The following UGT2B4 variants were observed in gnomAD, a reference collection of about 807,000 sequenced individuals.
UGT2B4 encodes the protein UDP glucuronosyltransferase family 2 member B4.
UGT2B4 carries 49 observed loss-of-function variants against 49.8 expected under a neutral mutation model. That is an observed-to-expected ratio of 0.98 (90% confidence interval 0.78 to 1.25). UGT2B4 has a LOEUF of 1.25. Among genes scored for constraint, UGT2B4 ranks in the 50% most tolerant of loss-of-function variants. UGT2B4 has a pLI of 0.00. For missense variants in UGT2B4, 729 were observed against 627.7 expected, an observed-to-expected ratio of 1.16 and a Z score of -1.73; for synonymous variants, 246 against 217.7, an observed-to-expected ratio of 1.13 and a Z score of -1.14.
Position 69,480,779 on chromosome 4 carries a change from T to C in UGT2B4, c.1442A>G (p.His481Arg), listed in dbSNP as rs756596732. The C allele has an allele frequency of 8.1e-6, 13 of 1,613,902 alleles. No homozygotes were observed. The highest frequency in any genetic ancestry group is 2.2e-5 in the East Asian group (1 of 44,898). ...KGAKHLRVAA[H>R]DLTWFQYHSL... is the part of the protein sequence containing the mutation. ...GTGGTACTGGAACCAGGTGAGGTCG[T>C]GGGCTGCAACCCGAAGGTGCTTGGC... The change falls in exon 6 of 6, where the codon CAC (histidine) becomes CGC (arginine). Residue 481 changes from histidine to arginine, a missense_variant. Transcript: ENST00000305107.
intron 2 of UGT2B4, among the ~76,000 whole-genome samples, chr4:69,490,603 A>G (rs1192518723): frequency 1.3e-5 from 2 of 152,198 alleles, no homozygotes; most frequent in Admixed American, 1.3e-4. Context: ...AAATACTTTC[A>G]GATTTAATCA....
intron 1 of UGT2B4, among the ~76,000 whole-genome samples, chr4:69,515,585 C>A (rs1012625646): frequency 6.6e-6 from 1 of 152,094 alleles, no homozygotes; most frequent in Admixed American, 6.6e-5. Context: ...AACCTAACAT[C>A]TCAACTAAAA....
intron 1 of UGT2B4, among the ~76,000 whole-genome samples, chr4:69,523,297 A>G (rs1040711624): frequency 3.3e-5 from 5 of 151,998 alleles, no homozygotes; most frequent in African/African-American, 7.2e-5. Context: ...AGATAGCAAT[A>G]TCCTTAAAAA....
intron 1 of UGT2B4, among the ~76,000 whole-genome samples, chr4:69,512,420 T>G (rs995833660): frequency 4.6e-5 from 7 of 152,146 alleles, no homozygotes; most frequent in African/African-American, 1.7e-4. Context: ...TTCGACAGTG[T>G]GTTGTTTATT....
intron 1 of UGT2B4, among the ~76,000 whole-genome samples, chr4:69,512,806 T>C: frequency 6.6e-6 from 1 of 152,208 alleles, no homozygotes; most frequent in East Asian, 1.9e-4. Context: ...TGTCTCATTG[T>C]GGTTTTAATT....
Position 69,495,592 on chromosome 4 carries a change from G to C in UGT2B4, c.270C>G (p.Ile90Met). The C allele has an allele frequency of 6.2e-7, 1 of 1,613,926 alleles. No individual in the cohort carries two copies. Among genetic ancestry groups the C allele is most frequent in the African/African-American group, 1.3e-5 (1 of 75,034 alleles). Residue 90 changes from isoleucine (I) to methionine (M), a missense_variant, in exon 1 of 6, where the codon ATC (isoleucine) becomes ATG (methionine). Transcript: ENST00000305107. Reference protein sequence around the residue: ...SLTKTEFEDIIKQLVKRWAEL... With the variant: ...SLTKTEFEDIMKQLVKRWAEL... ...CTGCCCATCTCTTAACCAGCTGCTT[G>C]ATAATATCCTCAAACTCAGTTTTAG...
intron 1 of UGT2B4, among the ~76,000 whole-genome samples, chr4:69,520,440 C>T (rs1259428586): frequency 1.3e-5 from 2 of 152,176 alleles, no homozygotes; most frequent in Non-Finnish European, 2.9e-5. Flanking sequence ...CACCGTGCTC[C>T]CAGATGCTGC....
intron 1 of UGT2B4, among the ~76,000 whole-genome samples, chr4:69,507,863 C>A (rs1170763377): frequency 6.6e-6 from 1 of 152,148 alleles, no homozygotes; most frequent in African/African-American, 2.4e-5. Flanking sequence ...CAAATGACAT[C>A]TAACTAAACT....
At chr4:69,525,792 T>A in exon 1 of UGT2B4, 1 of 1,157,376 alleles carries the variant, frequency 8.6e-7, no homozygotes. Flanking sequence ...TGACTAACAT[T>A]TATGTTTATA....
chr4:69,480,882 T>C lies in UGT2B4; in HGVS notation c.1339A>G (p.Arg447Gly), dbSNP rs751139318. The change falls in exon 6 of 6, where the codon AGA becomes GGA. Residue 447 changes from arginine (R) to glycine (G), a missense_variant. Arg to Gly is a moderately radical substitution (Grantham distance 125). Transcript: ENST00000305107. ...LYKENAMKLS[R>G]IHHDQPVKPL... Reference sequence around the variant, plus strand: ...TTCACTGGTTGATCATGATGAATTCTTGATAATTTCATAGCATTCTCTTTA... The same window carrying C: ...TTCACTGGTTGATCATGATGAATTCCTGATAATTTCATAGCATTCTCTTTA... 1.2e-6 allele frequency: 2 copies of C among 1,613,852 alleles called. No individual in the cohort carries two copies. Among genetic ancestry groups the C allele is most frequent in the South Asian group, 1.1e-5 (1 of 91,070 alleles).
intron 1 of UGT2B4, among the ~76,000 whole-genome samples, chr4:69,509,170 ATTTT>A (rs3075675): frequency 8.3e-6 from 1 of 119,784 alleles, no homozygotes; most frequent in Admixed American, 9.8e-5. Context: ...TGGAATTTCT[ATTTT>A]TTTTTTTTTT....
At chr4:69,502,075 C>T (rs199645702) in intron 1 of UGT2B4, among the ~76,000 whole-genome samples, 72 of 78,356 alleles carry the variant, frequency 9.2e-4, no homozygotes, top group South Asian at 2.1e-3. Flanking sequence ...TCCTTCTTTT[C>T]TTTCTTTCTT....
At chr4:69,502,091 C>CTTTCTTTCCT (rs1164693410) in intron 1 of UGT2B4, among the ~76,000 whole-genome samples, 1 of 108,418 alleles carries the variant, frequency 9.2e-6, no homozygotes, top group African/African-American at 3.4e-5. Flanking sequence ...TTCTTTCTCT[C>CTTTCTTTCCT]TCTTTCTTTC....
At chr4:69,509,505 T>C (rs1173794880) in intron 1 of UGT2B4, among the ~76,000 whole-genome samples, 1 of 152,178 alleles carries the variant, frequency 6.6e-6, no homozygotes, top group Non-Finnish European at 1.5e-5. Flanking sequence ...TGTGTGTGTG[T>C]TTGCTTGTGT....
chr4:69,524,836 T>C (rs17671506), intron 1 of UGT2B4, among the ~76,000 whole-genome samples: 53,326 of 151,814 alleles, frequency 0.35, 9,491 homozygotes, highest in Non-Finnish European at 0.37. Flanking sequence ...AACATAATTA[T>C]CCCTCTATGG....
At chr4:69,492,990 C>T (rs1036454678) in intron 2 of UGT2B4, among the ~76,000 whole-genome samples, 3 of 151,996 alleles carry the variant, frequency 2.0e-5, no homozygotes, top group Admixed American at 6.6e-5. Flanking sequence ...TTTTAGTAGT[C>T]CCTAAATGTG....
At chr4:69,518,359 C>G (rs1303256313) in intron 1 of UGT2B4, 2 of 152,242 alleles carry the variant, frequency 1.3e-5, no homozygotes, top group Non-Finnish European at 2.9e-5. Context: ...CACAGCAGAG[C>G]TGAGGTAGCA....
At chr4:69,509,117 G>C (rs1280754523) in intron 1 of UGT2B4, among the ~76,000 whole-genome samples, 1 of 149,800 alleles carries the variant, frequency 6.7e-6, no homozygotes, top group Non-Finnish European at 1.5e-5. Flanking sequence ...ATTTTCTGAA[G>C]GTTTTTTTAT....
rs982383964 is a variant in UGT2B4 at position 69,510,977 on chromosome 4, C to G, written c.-106+14710G>C. 9.2e-5 allele frequency among the ~76,000 whole-genome samples: 9 copies of G among 98,232 alleles called. No homozygotes were observed. In the South Asian group the frequency reaches 1.1e-3, roughly 12 times the overall value. 64.4% of individuals were successfully genotyped at this position (98,232 alleles called of 152,430 possible). A position where few individuals can be genotyped will look rare whatever the true frequency, so the allele number is the denominator to read the frequency against. On this transcript the variant is annotated intron_variant, in intron 1 of 1. Coordinates refer to the UGT2B4 transcript ENST00000510114. ...TGTGGGCTTTTCATAAATACTCTTTCTTTTCTTTTCTTCTTTTTTTTTTTT... is the reference window on the plus strand; with the variant it reads ...TGTGGGCTTTTCATAAATACTCTTTGTTTTCTTTTCTTCTTTTTTTTTTTT...
Sources: gnomAD v4.1 joint callset for allele counts (sites outside exome capture counted in the v4.1 genomes callset) on GRCh38, gnomAD v4.1.1 for gene constraint, MANE v1.5 for transcripts, NCBI Gene and HGNC (gene_info 2026-07-23, HGNC 2026-07-21) for gene names.